PRRC2B: variants seen among roughly 807,000 people sequenced by gnomAD.
PRRC2B encodes the protein proline rich coiled-coil 2B.
PRRC2B carries 68 observed loss-of-function variants against 242.3 expected under a neutral mutation model. The observed-to-expected ratio is 0.28, with a 90% CI of 0.23 to 0.34. The LOEUF (loss-of-function observed/expected upper bound fraction) is 0.34, where lower values mean the gene tolerates loss of function less well. Ranked by LOEUF, PRRC2B falls within the 10% of genes least tolerant of loss-of-function variation. PRRC2B has a pLI of 1.00. For synonymous variants in PRRC2B, 1,228 were observed against 1,173.6 expected (o/e 1.05, Z -0.95); for missense variants, 2,835 against 2,954.8 (o/e 0.96, Z 0.94).
At chr9:131,420,169 C>A (rs560605671) in intron 1 of PRRC2B, among the ~76,000 whole-genome samples, 1 of 152,264 alleles carries the variant, frequency 6.6e-6, no homozygotes, top group African/African-American at 2.4e-5. Flanking sequence ...TGGCTCATGT[C>A]TCCCATAAGG....
intron 1 of PRRC2B, among the ~76,000 whole-genome samples, chr9:131,416,297 T>C (rs1016243141): frequency 5.3e-5 from 8 of 152,194 alleles, no homozygotes; most frequent in African/African-American, 1.9e-4. Flanking sequence ...TTAGTAGGGA[T>C]GGGGTTTCAC....
intron 1 of PRRC2B, among the ~76,000 whole-genome samples, chr9:131,422,693 A>G (rs1445396253): frequency 6.6e-6 from 1 of 152,222 alleles, no homozygotes; most frequent in Admixed American, 6.5e-5. Flanking sequence ...GATAGCAGGA[A>G]CCTGTTGGAC....
chr9:131,459,142 C>T (rs763700636), intron 10 of PRRC2B, 22 bp from the exon 11 acceptor site: 1 of 1,606,060 alleles, frequency 6.2e-7, no homozygotes, highest in Non-Finnish European at 8.5e-7. Context: ...AAAAACTTAA[C>T]ATCAAATGTG....
At chr9:131,488,231 C>T (rs1331379971) in intron 28 of PRRC2B, 135 bp downstream of exon 28, 11 of 1,243,516 alleles carry the variant, frequency 8.8e-6, no homozygotes, top group East Asian at 7.7e-5. Flanking sequence ...CATTCCTCAG[C>T]GTGCAGGAAA....
At chr9:131,420,494 T>TTTCTTTTCTTTCTTTTCTTTCTTTTC (rs1554758631) in intron 1 of PRRC2B, among the ~76,000 whole-genome samples, 2 of 10,066 alleles carry the variant, frequency 2.0e-4, no homozygotes, top group Non-Finnish European at 4.5e-4. Context: ...TCTTTCTTTC[T>TTTCTTTTCTTTCTTTTCTTTCTTTTC]TTTTTTTTTT....
intron 19 of PRRC2B, 111 bp downstream of exon 19, chr9:131,479,504 A>G (rs1943797747): frequency 9.6e-7 from 1 of 1,045,630 alleles, no homozygotes; most frequent in Non-Finnish European, 1.4e-6. Flanking sequence ...TGGAATACAG[A>G]TGGAGTACCT....
intron 9 of PRRC2B, among the ~76,000 whole-genome samples, chr9:131,452,241 C>T (rs962317130): frequency 3.5e-4 from 54 of 152,312 alleles, no homozygotes; most frequent in African/African-American, 1.3e-3. Context: ...GCCTCAAACT[C>T]CTGGGCTCAA....
intron 1 of PRRC2B, among the ~76,000 whole-genome samples, chr9:131,380,625 A>G (rs920466960): frequency 1.3e-5 from 2 of 151,754 alleles, no homozygotes; most frequent in African/African-American, 4.8e-5. Context: ...CATGCCTGTA[A>G]TCCCAGCACT....
intron 1 of PRRC2B, among the ~76,000 whole-genome samples, chr9:131,397,197 C>T (rs1031637661): frequency 3.9e-5 from 6 of 152,356 alleles, no homozygotes; most frequent in Middle Eastern, 3.4e-3. Flanking sequence ...GCTGCCTCTC[C>T]CATGAGCTTC....
At chr9:131,403,622 T>TA (rs1837281682) in intron 1 of PRRC2B, among the ~76,000 whole-genome samples, 1 of 145,482 alleles carries the variant, frequency 6.9e-6, no homozygotes, top group Non-Finnish European at 1.5e-5. Flanking sequence ...CCCAAAATGC[T>TA]AGAATTACAG....
intron 10 of PRRC2B, among the ~76,000 whole-genome samples, chr9:131,455,469 T>C (rs1052846254): frequency 2.0e-5 from 3 of 151,578 alleles, no homozygotes; most frequent in Non-Finnish European, 2.9e-5. Context: ...AAAAGGCTGC[T>C]GTGGCCAAGC....
At chr9:131,459,079 G>C in intron 10 of PRRC2B, 85 bp from the exon 11 acceptor site, 1 of 1,213,110 alleles carries the variant, frequency 8.2e-7, no homozygotes, top group Non-Finnish European at 1.2e-6. Context: ...CAGCTGACTT[G>C]GGAATTCTCA....
Position 131,432,221 on chromosome 9 carries a change from T to C in PRRC2B, c.116-396T>C, listed in dbSNP as rs538078000. Among the ~76,000 whole-genome samples the C allele has an allele frequency of 3.3e-5, 5 of 152,328 alleles. No individual in the cohort carries two copies. In the East Asian group the frequency reaches 5.8e-4, roughly 18 times the overall value. ...GAAGGGCTCCTGTTCAGTCTTGTTT[T>C]GGATCTAGGCAGAGGCTGTCCCTTT... is the stretch of plus-strand genomic sequence containing the variant. On this transcript the variant is annotated intron_variant, in intron 2 of 31. Transcript: ENST00000683519.
At chr9:131,430,595 G>GTGTGTGTGTA (rs1554759941) in intron 2 of PRRC2B, among the ~76,000 whole-genome samples, 1 of 138,500 alleles carries the variant, frequency 7.2e-6, no homozygotes, top group Non-Finnish European at 1.5e-5. Flanking sequence ...GTGTGTGTGT[G>GTGTGTGTGTA]TATATATATG....
At chr9:131,471,693 T>C (rs937595183) in intron 14 of PRRC2B, among the ~76,000 whole-genome samples, 4 of 152,250 alleles carry the variant, frequency 2.6e-5, no homozygotes, top group Non-Finnish European at 5.9e-5. Context: ...GGCAGCAGGC[T>C]GAGTTTTGTT....
upstream of PRRC2B, among the ~76,000 whole-genome samples, chr9:131,391,346 T>C (rs956467389): frequency 1.4e-4 from 22 of 152,068 alleles, 2 homozygotes; most frequent in African/African-American, 5.1e-4. Flanking sequence ...TGTCAGTCAA[T>C]ATGATGAACT....
intron 19 of PRRC2B, among the ~76,000 whole-genome samples, chr9:131,480,627 T>TC (rs1043036644): frequency 2.0e-4 from 30 of 152,126 alleles, no homozygotes; most frequent in African/African-American, 6.5e-4. Flanking sequence ...GGATTTTTTT[T>TC]TTTTTTAAAG....
At chr9:131,465,148 T>A (rs1418948196) in intron 12 of PRRC2B, 70 bp downstream of exon 12, 24 of 1,433,668 alleles carry the variant, frequency 1.7e-5, no homozygotes, top group Non-Finnish European at 2.3e-5. Flanking sequence ...TACTTGCAAC[T>A]GCCTTCCTTC....
chr9:131,495,879 G>T lies in PRRC2B; in HGVS notation c.*5G>T, dbSNP rs774429990. 1 of 1,599,216 alleles carries T rather than the reference G, an allele frequency of 6.3e-7. No individual in the cohort carries two copies. Among genetic ancestry groups the T allele is most frequent in the South Asian group, 1.1e-5 (1 of 90,828 alleles). ...GTGGAGGAGAGTAAGGCCTGACAGTGCCTGGCTGCCACCTCGCCTCTCCCT... is the reference window on the plus strand; with the variant it reads ...GTGGAGGAGAGTAAGGCCTGACAGTTCCTGGCTGCCACCTCGCCTCTCCCT... On this transcript the variant is annotated 3_prime_UTR_variant, in exon 32 of 32. Transcript: ENST00000683519.
Sources: gnomAD v4.1 joint callset for allele counts (sites outside exome capture counted in the v4.1 genomes callset) on GRCh38, gnomAD v4.1.1 for gene constraint, MANE v1.5 for transcripts, NCBI Gene and HGNC (gene_info 2026-07-23, HGNC 2026-07-21) for gene names.